Variants in CEP152 observed in about 807,000 individuals in gnomAD.
CEP152 encodes centrosomal protein 152.
A neutral mutation model predicts 188.9 loss-of-function variants in CEP152; 132 were observed. That is an observed-to-expected ratio of 0.70 (90% CI 0.61 to 0.81). CEP152 has a LOEUF of 0.81. Among genes scored for constraint, CEP152 ranks in the 30% least tolerant of loss-of-function variants. CEP152 has a pLI of 0.00. For synonymous variants in CEP152, 649 were observed against 666.6 expected (o/e 0.97, Z 0.41); for missense variants, 1,914 against 1,969.8 (o/e 0.97, Z 0.54).
chr15:48,776,513 T>A (rs1895917235), intron 12 of CEP152, among the ~76,000 whole-genome samples: 1 of 152,032 alleles, frequency 6.6e-6, no homozygotes, highest in Non-Finnish European at 1.5e-5. Context: ...TTCTACTTCT[T>A]TAGGAAGTAA....
rs370420727 is a variant in CEP152 at position 48,797,652 on chromosome 15, G to C, written c.261+9C>G. ...CCTCACCAAAGTCATCATCACACCAGATACTTACATTTACACTTTGAGATT... is the reference window on the plus strand; with the variant it reads ...CCTCACCAAAGTCATCATCACACCACATACTTACATTTACACTTTGAGATT... On this transcript the variant is annotated intron_variant, in intron 4 of 26. Transcript: ENST00000380950. The C allele has an allele frequency of 1.9e-6, 3 of 1,613,906 alleles. No homozygotes were observed. Among genetic ancestry groups the C allele is most frequent in the Non-Finnish European group, 2.5e-6 (3 of 1,179,970 alleles).
rs778778690 is a variant in CEP152, at chr15:48,793,379, C to A, written c.774G>T (p.Lys258Asn). 5 of 1,614,004 alleles carry A rather than the reference C, an allele frequency of 3.1e-6. No homozygotes were observed. Among genetic ancestry groups the A allele is most frequent in the Non-Finnish European group, 4.2e-6 (5 of 1,179,952 alleles). ...KERQLENLIE[K>N]LNESERQIRY... ...GAATTTGACGTTCACTTTCATTTAA[C>A]TTTTCAATTAAGTTCTCCAGTTGTC... The change falls in exon 7 of 27, where the codon AAG becomes AAT. Residue 258 changes from lysine (K) to asparagine (N), a missense_variant. Coordinates refer to ENST00000380950, the MANE Select transcript of CEP152 (RefSeq NM_001194998.2).
intron 2 of CEP152, among the ~76,000 whole-genome samples, chr15:48,804,320 C>T (rs1897846084): frequency 6.6e-6 from 1 of 152,216 alleles, no homozygotes; most frequent in African/African-American, 2.4e-5. Context: ...CTGTCTGAAC[C>T]AAATCCAGCA....
rs1357688631 is a variant in CEP152 at position 48,797,696 on chromosome 15, T to C, written c.226A>G (p.Asn76Asp). Residue 76 changes from asparagine to aspartate, a missense_variant, in exon 4 of 27, where the codon AAT (asparagine) becomes GAT (aspartate). Physicochemically the swap from Asn to Asp is conservative, Grantham distance 23. Coordinates refer to ENST00000380950, the MANE Select transcript of CEP152 (RefSeq NM_001194998.2). ...TGAGATTTGGGCAGCATTTGCTCAT[T>C]CCAGCTCATCTCCAATTGCTCAGGA... The part of the protein sequence containing the change: ...HHPEQLEMSW[N>D]EQMLPKSQSV... 1.9e-6 allele frequency: 3 copies of C among 1,614,152 alleles called. No homozygotes were observed. In the South Asian group the frequency reaches 3.3e-5, roughly 18 times the overall value.
At chr15:48,800,466 A>G (rs1897602701) in intron 2 of CEP152, among the ~76,000 whole-genome samples, 1 of 152,116 alleles carries the variant, frequency 6.6e-6, no homozygotes, top group Non-Finnish European at 1.5e-5. Flanking sequence ...TACATTGTCA[A>G]ATTGCCCTTT....
At chr15:48,768,442 T>C in intron 14 of CEP152, 114 bp from the exon 15 acceptor site, 2 of 639,622 alleles carry the variant, frequency 3.1e-6, no homozygotes, top group Non-Finnish European at 5.5e-6. Flanking sequence ...TATAACAATA[T>C]TTGACATATT....
chr15:48,787,761 C>G (rs1272217321), intron 9 of CEP152, among the ~76,000 whole-genome samples: 1 of 152,040 alleles, frequency 6.6e-6, no homozygotes, highest in Non-Finnish European at 1.5e-5. Context: ...CTCTCCTTCC[C>G]TTAAGTTAAA....
intron 7 of CEP152, among the ~76,000 whole-genome samples, chr15:48,792,201 A>T (rs1897034274): frequency 6.6e-6 from 1 of 152,106 alleles, no homozygotes; most frequent in Non-Finnish European, 1.5e-5. Flanking sequence ...CATGTTAGCC[A>T]GGATGATCTC....
intron 5 of CEP152, 78 bp from the exon 6 acceptor site, chr15:48,796,238 TGTTAC>T (rs1298028762): frequency 6.5e-7 from 1 of 1,534,394 alleles, no homozygotes; most frequent in African/African-American, 1.4e-5. Context: ...CCTAAATTAA[TGTTAC>T]GTTACAGAAC....
intron 10 of CEP152, 136 bp from the exon 11 acceptor site, chr15:48,782,366 T>C (rs1394460502): frequency 6.7e-6 from 5 of 748,690 alleles, no homozygotes; most frequent in Admixed American, 2.1e-5. Context: ...TTAGAATACA[T>C]AGAGCCCATG....
chr15:48,789,205 A>G (rs1195162961), intron 8 of CEP152: 1 of 599,812 alleles, frequency 1.7e-6, no homozygotes, highest in African/African-American at 1.9e-5. Context: ...TGTTGGAAAC[A>G]ATGTTCCCTG....
rs1892701211 is a variant in CEP152 at position 48,738,221 on chromosome 15, A to G, written c.*28T>C. The G allele has an allele frequency of 6.3e-7, 1 of 1,580,772 alleles. No homozygotes were observed. The highest frequency in any genetic ancestry group is 8.6e-7 in the Non-Finnish European group (1 of 1,161,852). Reference sequence around the variant, plus strand: ...CCCTTCCATTTTTGTTAATATATTAATGATTCTTCTTAAATACTGTACCAT... The same window carrying G: ...CCCTTCCATTTTTGTTAATATATTAGTGATTCTTCTTAAATACTGTACCAT... On this transcript the variant is annotated 3_prime_UTR_variant, in exon 27 of 27. Transcript: ENST00000380950.
intron 7 of CEP152, 87 bp from the exon 8 acceptor site, chr15:48,791,463 A>G: frequency 8.7e-7 from 1 of 1,153,894 alleles, no homozygotes; most frequent in Non-Finnish European, 1.3e-6. Context: ...CGTCTGTATC[A>G]TATATAAATG....
In CEP152 at chr15:48,762,431, A is replaced by G. The variant is rs1310548621; in HGVS notation, c.2522T>C (p.Ile841Thr). Residue 841 changes from isoleucine (I) to threonine (T), a missense_variant, in exon 18 of 27, where the codon ATT becomes ACT. By Grantham distance (89) the Ile-to-Thr change is moderately conservative. Transcript: ENST00000380950. The part of the protein sequence containing the change: ...AIKGAMKKLE[I>T]ELELKHCENI... ...TTCACAATGTTTGAGTTCCAATTCA[A>G]TTTCGAGTTTCTTCATAGCCCCCTT... The G allele has an allele frequency of 5.0e-6, 8 of 1,614,044 alleles. No homozygotes were observed. The highest frequency in any genetic ancestry group is 2.2e-5 in the East Asian group (1 of 44,850).
chr15:48,781,335 C>T lies in CEP152; in HGVS notation c.1438G>A (p.Glu480Lys). Residue 480 changes from glutamate to lysine, a missense_variant, in exon 12 of 27, where the codon GAA becomes AAA. Transcript: ENST00000380950. ...GCAGCAGATTCATAGAGAGAAATTT[C>T]ATCTTTTAGTTCTGTTAATTCTTCC... ...LQEELTELKDEISLYESAAKL... is the reference protein window; with the variant it reads ...LQEELTELKDKISLYESAAKL... The T allele has an allele frequency of 6.2e-7, 1 of 1,609,354 alleles. No individual in the cohort carries two copies. The highest frequency in any genetic ancestry group is 1.7e-4 in the Middle Eastern group (1 of 5,930).
At chr15:48,760,326 T>C in intron 18 of CEP152, 60 bp from the exon 19 acceptor site, 1 of 1,585,316 alleles carries the variant, frequency 6.3e-7, no homozygotes, top group Non-Finnish European at 8.6e-7. Context: ...AAAGATCCCA[T>C]TTTTAAACAG....
At chr15:48,739,798 C>T (rs372316269) in intron 26 of CEP152, among the ~76,000 whole-genome samples, 6 of 152,280 alleles carry the variant, frequency 3.9e-5, no homozygotes, top group African/African-American at 1.4e-4. Context: ...AAATTAGAGG[C>T]ATTGTATCTC....
intron 2 of CEP152, among the ~76,000 whole-genome samples, chr15:48,801,979 C>A (rs1451373049): frequency 6.6e-6 from 1 of 152,052 alleles, no homozygotes; most frequent in South Asian, 2.1e-4. Flanking sequence ...TGCCTCTAAT[C>A]CCAGCTACTT....
At chr15:48,746,745 CA>C (rs1048390987) in intron 22 of CEP152, among the ~76,000 whole-genome samples, 4 of 151,984 alleles carry the variant, frequency 2.6e-5, no homozygotes, top group African/African-American at 9.7e-5. Context: ...GACTACACTC[CA>C]AAGGGAAGTA....
Sources: allele counts gnomAD v4.1 joint callset (sites outside exome capture counted in the v4.1 genomes callset), GRCh38; gene constraint gnomAD v4.1.1; transcripts MANE v1.5; gene names NCBI Gene and HGNC (gene_info 2026-07-23, HGNC 2026-07-21).